Variants in MYMX observed in about 807,000 individuals in gnomAD.
MYMX encodes the protein myomixer, myoblast fusion factor.
At chr6:44,215,438 G>A (rs1220180764), upstream of MYMX, among the ~76,000 whole-genome samples, 1 of 152,048 alleles carries the variant, frequency 6.6e-6, no homozygotes, top group Non-Finnish European at 1.5e-5. Context: ...GTAACCGGGT[G>A]TGGTGGCGCC....
At chr6:44,205,584 G>A in the MYMX span, among the ~76,000 whole-genome samples, 3 of 152,134 alleles carry the variant, frequency 2.0e-5, no homozygotes, top group African/African-American at 7.2e-5. Context: ...GCCAAGGTGG[G>A]TGGATCACGA....
In MYMX at chr6:44,217,692, T is replaced by C. The variant is rs964395477; in HGVS notation, c.221T>C (p.Leu74Pro). Residue 74 changes from leucine (L) to proline (P), a missense_variant, in exon 2 of 2, where the codon CTG becomes CCG. Coordinates refer to ENST00000573382, the MANE Select transcript of MYMX (RefSeq NM_001315494.2). ...DAGEASRVDR[L>P]ERRERLGPQK is the part of the protein sequence containing the mutation. Reference sequence around the variant, plus strand: ...GGGGAGGCCTCAAGAGTGGACCGCCTGGAGAGGAGGGAGAGGTTAGGCCCC... The same window carrying C: ...GGGGAGGCCTCAAGAGTGGACCGCCCGGAGAGGAGGGAGAGGTTAGGCCCC... 2 of 400,962 alleles carry C rather than the reference T, an allele frequency of 5.0e-6. No homozygotes were observed. Among genetic ancestry groups the C allele is most frequent in the Admixed American group, 4.4e-5 (1 of 22,744 alleles). The allele number at this position is 400,962 out of a possible 1,614,324, so 24.8% of individuals were successfully genotyped here. A position where few individuals can be genotyped will look rare whatever the true frequency, so the allele number is the denominator to read the frequency against.
At chr6:44,195,580 C>A in the MYMX span, among the ~76,000 whole-genome samples, 7 of 152,306 alleles carry the variant, frequency 4.6e-5, no homozygotes, top group African/African-American at 1.7e-4. Flanking sequence ...GATCCTCCCA[C>A]CTCAGCCTCC....
chr6:44,213,144 G>GGGAGGT (rs1775686325), upstream of MYMX, among the ~76,000 whole-genome samples: 1 of 152,108 alleles, frequency 6.6e-6, no homozygotes, highest in Non-Finnish European at 1.5e-5. Flanking sequence ...CCAGCACTTT[G>GGGAGGT]GGAGGTGGAG....
chr6:44,209,392 G>A, the MYMX span, among the ~76,000 whole-genome samples: 1 of 152,172 alleles, frequency 6.6e-6, no homozygotes, highest in Non-Finnish European at 1.5e-5. Flanking sequence ...AAAGTGCTGG[G>A]ATTGCAGGCA....
At chr6:44,210,734 T>C in the MYMX span, among the ~76,000 whole-genome samples, 125,600 of 152,304 alleles carry the variant, frequency 0.82, 52,084 homozygotes, top group African/African-American at 0.89. Flanking sequence ...AATACTGAAA[T>C]ATTAATTGCT....
the MYMX span, among the ~76,000 whole-genome samples, chr6:44,207,183 C>T: frequency 4.6e-5 from 7 of 151,774 alleles, no homozygotes; most frequent in African/African-American, 1.5e-4. Context: ...TTTTTTGAGA[C>T]GGAGTCTCGC....
chr6:44,201,081 G>A, the MYMX span, among the ~76,000 whole-genome samples: 1 of 152,102 alleles, frequency 6.6e-6, no homozygotes, highest in Non-Finnish European at 1.5e-5. Flanking sequence ...CCCACTGCCC[G>A]GTCGCCTGTG....
the MYMX span, among the ~76,000 whole-genome samples, chr6:44,192,941 GCTAACGTGACCGCTTC>G: frequency 6.6e-6 from 1 of 152,200 alleles, no homozygotes; most frequent in African/African-American, 2.4e-5. Context: ...GGCGGTCCCA[GCTAACGTGACCGCTTC>G]CTATTTTGAA....
upstream of MYMX, among the ~76,000 whole-genome samples, chr6:44,215,311 G>A (rs1775800486): frequency 6.6e-6 from 1 of 152,172 alleles, no homozygotes; most frequent in Non-Finnish European, 1.5e-5. Context: ...AGTGGCTCAC[G>A]CCTGTAATCC....
the MYMX span, among the ~76,000 whole-genome samples, chr6:44,195,823 CTGTATTCTGT>C: frequency 6.6e-6 from 1 of 152,138 alleles, no homozygotes; most frequent in South Asian, 2.1e-4. Context: ...ATTTTATCTG[CTGTATTCTGT>C]TTTATGAATA....
upstream of MYMX, among the ~76,000 whole-genome samples, chr6:44,215,087 G>T (rs560157544): frequency 6.6e-6 from 1 of 152,102 alleles, no homozygotes; most frequent in Non-Finnish European, 1.5e-5. Flanking sequence ...TTTTGACCTG[G>T]TAAGTTTTCT....
chr6:44,213,546 C>G (rs981922106), upstream of MYMX, among the ~76,000 whole-genome samples: 2 of 149,950 alleles, frequency 1.3e-5, no homozygotes, highest in Non-Finnish European at 3.0e-5. Context: ...CTCAGCTTCC[C>G]GAGTAGCTGG....
chr6:44,199,258 G>C, the MYMX span, among the ~76,000 whole-genome samples: 1 of 151,666 alleles, frequency 6.6e-6, no homozygotes, highest in Non-Finnish European at 1.5e-5. Flanking sequence ...GTACAGTGGT[G>C]CTATCATGGT....
At chr6:44,213,279 G>A (rs546784958), upstream of MYMX, among the ~76,000 whole-genome samples, 3 of 151,458 alleles carry the variant, frequency 2.0e-5, no homozygotes, top group Non-Finnish European at 4.4e-5. Context: ...CCAGCTACTC[G>A]GGAGGCTGAG....
the MYMX span, among the ~76,000 whole-genome samples, chr6:44,195,757 C>T: frequency 6.6e-6 from 1 of 152,126 alleles, no homozygotes; most frequent in South Asian, 2.1e-4. Flanking sequence ...ATTTTACTCA[C>T]GTTATGTATC....
the MYMX span, among the ~76,000 whole-genome samples, chr6:44,208,661 A>G: frequency 3.3e-5 from 5 of 152,236 alleles, no homozygotes; most frequent in African/African-American, 1.2e-4. Context: ...AAAGAATTAC[A>G]GAGAGCACTG....
At chr6:44,211,682 A>G in the MYMX span, among the ~76,000 whole-genome samples, 2 of 143,528 alleles carry the variant, frequency 1.4e-5, no homozygotes, top group Non-Finnish European at 3.0e-5. Flanking sequence ...CAGTGGTGTG[A>G]TCTCTGCTTA....
chr6:44,195,599 T>C, the MYMX span, among the ~76,000 whole-genome samples: 1 of 152,172 alleles, frequency 6.6e-6, no homozygotes. Context: ...CCCAAAACGT[T>C]GGGATTACTG....
Sources: gnomAD v4.1 joint callset for allele counts (sites outside exome capture counted in the v4.1 genomes callset) on GRCh38, gnomAD v4.1.1 for gene constraint, MANE v1.5 for transcripts, NCBI Gene and HGNC (gene_info 2026-07-23, HGNC 2026-07-21) for gene names.